Variants in ASIC2 observed in about 807,000 individuals in gnomAD.
The protein encoded by ASIC2 is acid-sensing ion channel 2.
In ASIC2, 25 loss-of-function variants were observed where a neutral mutation model predicts 57.3. That is an observed-to-expected ratio of 0.44 (90% CI 0.32 to 0.61). The LOEUF is 0.61. Among genes scored for constraint, ASIC2 ranks in the 20% least tolerant of loss-of-function variants. The pLI is 0.06. For synonymous variants in ASIC2, 319 were observed against 307.5 expected (o/e 1.04, Z -0.39); for missense variants, 641 against 738.1 (o/e 0.87, Z 1.52).
intron 1 of ASIC2, among the ~76,000 whole-genome samples, chr17:33,750,078 G>T (rs1910382077): frequency 6.6e-6 from 1 of 152,112 alleles, no homozygotes; most frequent in Non-Finnish European, 1.5e-5. Flanking sequence ...CCTGTCCATT[G>T]CATATCTATT....
At chr17:33,509,192 G>A (rs1197513626) in intron 1 of ASIC2, among the ~76,000 whole-genome samples, 1 of 152,140 alleles carries the variant, frequency 6.6e-6, no homozygotes, top group Non-Finnish European at 1.5e-5. Context: ...GAGGGAGGGC[G>A]GGACAGGATG....
At chr17:33,270,920 C>G (rs996411471) in intron 1 of ASIC2, among the ~76,000 whole-genome samples, 1 of 152,132 alleles carries the variant, frequency 6.6e-6, no homozygotes, top group Admixed American at 6.5e-5. Flanking sequence ...AATAATGCTA[C>G]GCAGAGGAGG....
intron 1 of ASIC2, among the ~76,000 whole-genome samples, chr17:33,805,868 A>C (rs991924084): frequency 6.6e-6 from 1 of 152,224 alleles, no homozygotes; most frequent in African/African-American, 2.4e-5. Context: ...CTAATATTAC[A>C]TGGAACACGC....
intron 1 of ASIC2, among the ~76,000 whole-genome samples, chr17:33,496,331 A>G (rs1240312510): frequency 6.6e-6 from 1 of 152,060 alleles, no homozygotes; most frequent in Non-Finnish European, 1.5e-5. Flanking sequence ...CTCTGCTTCT[A>G]TGGCACCCTT....
At chr17:33,169,833 C>T (rs1437824562) in intron 1 of ASIC2, among the ~76,000 whole-genome samples, 5 of 152,200 alleles carry the variant, frequency 3.3e-5, no homozygotes, top group Non-Finnish European at 5.9e-5. Context: ...ACATTCCTAG[C>T]CCTCACGGCT....
chr17:33,984,938 A>G (rs537097616), intron 1 of ASIC2, among the ~76,000 whole-genome samples: 1 of 152,292 alleles, frequency 6.6e-6, no homozygotes, highest in African/African-American at 2.4e-5. Flanking sequence ...GTGTCTTTCT[A>G]GAGGACACCA....
intron 2 of ASIC2, among the ~76,000 whole-genome samples, chr17:33,107,166 C>T (rs1015860412): frequency 6.6e-6 from 1 of 152,222 alleles, no homozygotes; most frequent in Admixed American, 6.5e-5. Context: ...TTTTTAACAA[C>T]CTCCCTTTCT....
At position 34,097,503 on chromosome 17, in the gene ASIC2, T is replaced by C. The variant is rs180849550; in HGVS notation, c.555+58475A>G. Among the ~76,000 whole-genome samples the C allele has an allele frequency of 1.6e-3, 249 of 152,258 alleles. 2 individuals are homozygous for C. Among genetic ancestry groups the C allele is most frequent in the Non-Finnish European group, 2.9e-3 (200 of 68,018 alleles). Reference sequence around the variant, plus strand: ...AAATAAGGTCATTGCAGATCAGTCATTGCAGTCAAGCTAAAGTGAGGTCAC... The same window carrying C: ...AAATAAGGTCATTGCAGATCAGTCACTGCAGTCAAGCTAAAGTGAGGTCAC... On this transcript the variant is annotated intron_variant, in intron 1 of 9. Transcript: ENST00000359872.
chr17:33,513,432 G>A (rs1450218343), intron 1 of ASIC2, among the ~76,000 whole-genome samples: 1 of 152,184 alleles, frequency 6.6e-6, no homozygotes, highest in Non-Finnish European at 1.5e-5. Context: ...TCTAGATAAT[G>A]CATAACTTCT....
At chr17:33,034,919 C>T (rs1341429029) in intron 3 of ASIC2, among the ~76,000 whole-genome samples, 1 of 152,098 alleles carries the variant, frequency 6.6e-6, no homozygotes, top group Non-Finnish European at 1.5e-5. Flanking sequence ...TGTTTTTCTG[C>T]CTTATTCTGT....
chr17:34,099,844 A>G (rs1027051341), intron 1 of ASIC2, among the ~76,000 whole-genome samples: 4 of 152,230 alleles, frequency 2.6e-5, no homozygotes, highest in Non-Finnish European at 5.9e-5. Flanking sequence ...CAAATAGTTC[A>G]TTGTGACTTG....
chr17:33,384,560 G>A (rs1909607166), intron 1 of ASIC2, among the ~76,000 whole-genome samples: 1 of 152,154 alleles, frequency 6.6e-6, no homozygotes, highest in South Asian at 2.1e-4. Context: ...AACACTGTGA[G>A]TTTCCCTAGA....
intron 1 of ASIC2, chr17:34,120,200 G>C (rs1598036312): frequency 6.6e-6 from 1 of 152,182 alleles, no homozygotes; most frequent in South Asian, 2.1e-4. Flanking sequence ...AATTATGGGG[G>C]AACTGGATAA....
chr17:33,655,790 T>C (rs1461209245), intron 1 of ASIC2, among the ~76,000 whole-genome samples: 1 of 152,222 alleles, frequency 6.6e-6, no homozygotes, highest in African/African-American at 2.4e-5. Context: ...AAATTGAATA[T>C]TGAGTGTTCT....
At chr17:33,866,702 C>T (rs1192025882) in intron 1 of ASIC2, among the ~76,000 whole-genome samples, 1 of 152,128 alleles carries the variant, frequency 6.6e-6, no homozygotes, top group East Asian at 1.9e-4. Context: ...ATGTAGGATC[C>T]CTGACTGATC....
intron 1 of ASIC2, among the ~76,000 whole-genome samples, chr17:33,855,022 C>T (rs1039320301): frequency 7.2e-5 from 11 of 152,286 alleles, no homozygotes; most frequent in Middle Eastern, 3.4e-3. Flanking sequence ...GCAGAGAATG[C>T]TTTCCTTCTG....
intron 1 of ASIC2, among the ~76,000 whole-genome samples, chr17:33,870,149 T>C (rs1239868407): frequency 6.6e-6 from 1 of 150,792 alleles, no homozygotes; most frequent in Non-Finnish European, 1.5e-5. Flanking sequence ...TAATAGATGC[T>C]TCAGATAAAA....
intron 1 of ASIC2, among the ~76,000 whole-genome samples, chr17:33,174,898 G>A (rs1246000075): frequency 2.0e-5 from 3 of 152,112 alleles, no homozygotes; most frequent in Admixed American, 6.5e-5. Flanking sequence ...AAGTCAGTCC[G>A]TTGTGACTGA....
At chr17:33,864,622 G>A (rs1003506147) in intron 1 of ASIC2, among the ~76,000 whole-genome samples, 1 of 152,170 alleles carries the variant, frequency 6.6e-6, no homozygotes, top group African/African-American at 2.4e-5. Flanking sequence ...GAAGGTGGAG[G>A]GGAGACTGTT....
Sources: allele counts gnomAD v4.1 joint callset (sites outside exome capture counted in the v4.1 genomes callset), GRCh38; gene constraint gnomAD v4.1.1; transcripts MANE v1.5; gene names NCBI Gene and HGNC (gene_info 2026-07-23, HGNC 2026-07-21).